SS18: variants seen among roughly 807,000 people sequenced by gnomAD.
SS18 encodes the protein SS18 subunit of BAF chromatin remodeling complex.
In SS18, 28 loss-of-function variants were observed where a neutral mutation model predicts 72.5. The observed-to-expected ratio is 0.39, with a 90% CI of 0.29 to 0.53. The LOEUF is 0.53. Among genes scored for constraint, SS18 ranks in the 20% least tolerant of loss-of-function variants. SS18 has a pLI of 0.76. For synonymous variants in SS18, 172 were observed against 164.2 expected, an observed-to-expected ratio of 1.05 and a Z score of -0.37; for missense variants, 518 against 535.3, an observed-to-expected ratio of 0.97 and a Z score of 0.32.
At chr18:26,056,257 A>C (rs1010188101) in intron 4 of SS18, among the ~76,000 whole-genome samples, 2 of 152,348 alleles carry the variant, frequency 1.3e-5, no homozygotes, top group East Asian at 3.9e-4. Flanking sequence ...AGAGAATTTA[A>C]GTCAAAATCC....
chr18:26,039,438 T>C lies in SS18; in HGVS notation c.626A>G (p.Gln209Arg), dbSNP rs1479220224. 6.2e-7 allele frequency: 1 copy of C among 1,613,624 alleles called. No homozygotes were observed. Among genetic ancestry groups the C allele is most frequent in the Admixed American group, 1.7e-5 (1 of 59,994 alleles). The change falls in exon 6 of 11, where the codon CAG becomes CGG. Residue 209 changes from glutamine (Q) to arginine (R), a missense_variant. By Grantham distance (43) the Gln-to-Arg change is conservative. Transcript: ENST00000415083. ...QPNQGPMMHQ[Q>R]PPSQQYNMPQ... ...CATATTGTATTGCTGAGAAGGAGGC[T>C]GCTGATGCATCATTGGACCTGAAAC...
At chr18:26,080,495 A>T in intron 2 of SS18, 1 of 371,958 alleles carries the variant, frequency 2.7e-6, no homozygotes, top group Non-Finnish European at 3.7e-6. Context: ...TATTACATCT[A>T]ATCTGCCACA....
chr18:26,059,120 C>A (rs995392062), intron 3 of SS18, among the ~76,000 whole-genome samples: 11 of 152,118 alleles, frequency 7.2e-5, no homozygotes, highest in Non-Finnish European at 1.2e-4. Flanking sequence ...ACTGTTACCA[C>A]CATGCTAGAA....
intron 9 of SS18, among the ~76,000 whole-genome samples, chr18:26,034,606 G>A (rs999599239): frequency 2.7e-5 from 4 of 150,534 alleles, no homozygotes; most frequent in Non-Finnish European, 4.4e-5. Flanking sequence ...AAAAAAATCA[G>A]TATGTCTTAA....
At position 26,090,513 on chromosome 18, in the gene SS18, A is replaced by T. The variant is rs771615030; in HGVS notation, c.57T>A (p.Ala19=). The part of the protein sequence containing the change: ...RQRGKGEITP[A]AIQKMLDDNN... The stretch of plus-strand genomic sequence containing the variant: ...CGCGCGGTTTCACCTTCTGAATCGC[A>T]GCGGGAGTGATCTCCCCCTTGCCTC... Residue 19 remains alanine (A), a synonymous_variant, in exon 1 of 11, where the codon GCT becomes GCA. Coordinates refer to ENST00000415083, the MANE Select transcript of SS18 (RefSeq NM_001007559.3). The T allele has an allele frequency of 1.1e-4, 177 of 1,579,750 alleles. No individual in the cohort carries two copies. Among genetic ancestry groups the T allele is most frequent in the Admixed American group, 3.9e-4 (22 of 56,404 alleles).
At chr18:26,022,182 G>A (rs684873) in intron 10 of SS18, among the ~76,000 whole-genome samples, 142,908 of 152,218 alleles carry the variant, frequency 0.94, 67,120 homozygotes, top group East Asian at 0.98. Context: ...CTAGAAAGTA[G>A]TGGCCTTATT....
At position 26,087,640 on chromosome 18, in the gene SS18, A is replaced by C. The variant is rs575976124; in HGVS notation, c.70-63T>G. On this transcript the variant is annotated intron_variant, in intron 1 of 10. Transcript: ENST00000415083. ...TGCATCAAGTAAAATAAAAAACTAGAAAATTCAGAAAGGGAGGGCATTAGT... is the reference window on the plus strand; with the variant it reads ...TGCATCAAGTAAAATAAAAAACTAGCAAATTCAGAAAGGGAGGGCATTAGT... 5 of 974,230 alleles carry C rather than the reference A, an allele frequency of 5.1e-6. No individual in the cohort carries two copies. The African/African-American group carries it at 6.6e-5, about 13-fold the overall frequency. The allele number at this position is 974,230 out of a possible 1,614,324, so 60.3% of individuals were successfully genotyped here.
At chr18:26,039,500 A>G (rs1217265060) in intron 5 of SS18, 44 bp from the exon 6 acceptor site, 2 of 1,507,946 alleles carry the variant, frequency 1.3e-6, no homozygotes, top group South Asian at 2.7e-5. Context: ...TTTGTATATA[A>G]CTTTAACATC....
chr18:26,053,667 T>TAAA (rs2053962889), intron 4 of SS18, among the ~76,000 whole-genome samples: 3 of 150,568 alleles, frequency 2.0e-5, no homozygotes, highest in African/African-American at 7.5e-5. Flanking sequence ...AGGGAATGAC[T>TAAA]AGTTCACACA....
chr18:26,036,835 A>AC (rs2053633933), intron 7 of SS18, among the ~76,000 whole-genome samples: 2 of 152,164 alleles, frequency 1.3e-5, no homozygotes, highest in African/African-American at 4.8e-5. Context: ...TGCAGTCTTA[A>AC]TATGGCCAGT....
Position 26,052,619 on chromosome 18 carries a change from G to C in SS18, c.607+5C>G, listed in dbSNP as rs757702247. ...CTAGTCAAGAAGGACATAAAGCTTA[G>C]TTACCTTGGTTTGGCTGCATACTCA... is the stretch of plus-strand genomic sequence containing the variant. On this transcript the variant is annotated splice_donor_5th_base_variant and intron_variant, in intron 5 of 10. Coordinates refer to ENST00000415083, the MANE Select transcript of SS18 (RefSeq NM_001007559.3). The C allele has an allele frequency of 2.5e-6, 4 of 1,610,750 alleles. No individual in the cohort carries two copies. Among genetic ancestry groups the C allele is most frequent in the Middle Eastern group, 1.7e-4 (1 of 6,052 alleles).
chr18:26,063,315 C>A (rs1039554524), intron 3 of SS18, among the ~76,000 whole-genome samples: 1 of 152,000 alleles, frequency 6.6e-6, no homozygotes, highest in Admixed American at 6.6e-5. Context: ...GTCAGGAGAT[C>A]GAGACCATCC....
intron 3 of SS18, among the ~76,000 whole-genome samples, chr18:26,069,728 C>T (rs1323858413): frequency 6.6e-6 from 1 of 152,044 alleles, no homozygotes; most frequent in Non-Finnish European, 1.5e-5. Context: ...AAATGAACTA[C>T]CACAATAGAA....
At chr18:26,081,068 G>A (rs58836521) in intron 2 of SS18, among the ~76,000 whole-genome samples, 13,205 of 126,104 alleles carry the variant, frequency 0.1, 912 homozygotes, top group Admixed American at 0.21. Flanking sequence ...CGGCCTGGGC[G>A]ACAGAGCGAG....
At chr18:26,077,554 A>C (rs113247947) in intron 3 of SS18, among the ~76,000 whole-genome samples, 1 of 152,276 alleles carries the variant, frequency 6.6e-6, no homozygotes, top group South Asian at 2.1e-4. Flanking sequence ...TCTGAGGCAA[A>C]CAACTGTTTA....
intron 7 of SS18, among the ~76,000 whole-genome samples, chr18:26,038,137 T>C (rs907202994): frequency 2.0e-5 from 3 of 151,982 alleles, no homozygotes; most frequent in African/African-American, 7.2e-5. Context: ...CTTGGAAAAA[T>C]AACTTGAGAA....
At chr18:26,021,666 A>G (rs141094230) in intron 10 of SS18, among the ~76,000 whole-genome samples, 1 of 152,324 alleles carries the variant, frequency 6.6e-6, no homozygotes, top group Non-Finnish European at 1.5e-5. Context: ...GAAAGAAATG[A>G]ATGGGTTCAA....
chr18:26,048,011 A>T (rs1188582224), intron 5 of SS18, among the ~76,000 whole-genome samples: 1 of 152,248 alleles, frequency 6.6e-6, no homozygotes, highest in Non-Finnish European at 1.5e-5. Flanking sequence ...ATTCATAGAA[A>T]ACATGCAAAC....
rs59848344 is a variant in SS18 at position 26,027,703 on chromosome 18, A to AGAC, written c.1230+4695_1230+4696insGTC. Reference sequence around the variant, plus strand: ...AAAAAAAAAAAAAAAAAAAAAAAAAAAGTCTTTTCAACAAATGACTCTGAG... The same window carrying AGAC: ...AAAAAAAAAAAAAAAAAAAAAAAAAAGACAGTCTTTTCAACAAATGACTCTGAG... On this transcript the variant is annotated intron_variant, in intron 10 of 10. Coordinates refer to ENST00000415083, the MANE Select transcript of SS18 (RefSeq NM_001007559.3). Among the ~76,000 whole-genome samples, 268 of 124,704 alleles carry AGAC rather than the reference A, an allele frequency of 2.1e-3. 29 individuals carry two copies. The highest frequency in any genetic ancestry group is 8.5e-3 in the African/African-American group (239 of 28,038). 81.8% of individuals were successfully genotyped at this position (124,704 alleles called of 152,430 possible). A position where few individuals can be genotyped will look rare whatever the true frequency, so the allele number is the denominator to read the frequency against.
Sources: allele counts gnomAD v4.1 joint callset (sites outside exome capture counted in the v4.1 genomes callset), GRCh38; gene constraint gnomAD v4.1.1; transcripts MANE v1.5; gene names NCBI Gene and HGNC (gene_info 2026-07-23, HGNC 2026-07-21).